The following ZNF664 variants were observed in gnomAD, a reference collection of about 807,000 sequenced individuals.
ZNF664 encodes zinc finger protein 664, also known as zinc finger Organ of Corti 1.
ZNF664 carries 10 observed loss-of-function variants against 18.2 expected under a neutral mutation model. The observed-to-expected ratio is 0.55, with a 90% CI of 0.34 to 0.93. ZNF664 has a LOEUF of 0.93. ZNF664 is among the 40% of genes least tolerant of loss of function. The probability of loss-of-function intolerance (pLI) is 0.02; values close to 1 mark genes in which losing one functional copy is unlikely to be tolerated. For synonymous variants in ZNF664, 119 were observed against 104.2 expected, an observed-to-expected ratio of 1.14 and a Z score of -0.86; for missense variants, 193 against 319.0, an observed-to-expected ratio of 0.61 and a Z score of 3.01.
At chr12:123,999,180 GTCATC>G (rs958663958) in intron 3 of ZNF664, among the ~76,000 whole-genome samples, 34 of 152,156 alleles carry the variant, frequency 2.2e-4, no homozygotes, top group African/African-American at 8.0e-4. Context: ...GAATCACATG[GTCATC>G]TCAACTCATT....
intron 3 of ZNF664, among the ~76,000 whole-genome samples, chr12:124,009,674 T>C (rs1594576140): frequency 6.6e-6 from 1 of 151,944 alleles, no homozygotes; most frequent in Middle Eastern, 3.4e-3. Flanking sequence ...AACTTTTTAA[T>C]TTAATTTAAT....
In ZNF664 at chr12:124,013,597, A is replaced by G. The variant is rs1037908173; in HGVS notation, c.*667A>G. 2 of 167,430 alleles carry G rather than the reference A, an allele frequency of 1.2e-5. No individual in the cohort carries two copies. Among genetic ancestry groups the G allele is most frequent in the Non-Finnish European group, 2.9e-5 (2 of 68,436 alleles). The allele number at this position is 167,430 out of a possible 1,614,324, so 10.4% of individuals were successfully genotyped here. On this transcript the variant is annotated 3_prime_UTR_variant, in exon 5 of 5. Transcript: ENST00000337815. Reference sequence around the variant, plus strand: ...ACATATATGTCCTTGAACCTTTTTTATTTGTGTGGATTCTGCTCATCACTG... The same window carrying G: ...ACATATATGTCCTTGAACCTTTTTTGTTTGTGTGGATTCTGCTCATCACTG...
Position 124,012,128 on chromosome 12 carries a change from G to C in ZNF664, c.-17G>C. 1.9e-6 allele frequency: 3 copies of C among 1,585,920 alleles called. No homozygotes were observed. The South Asian group carries it at 3.5e-5, about 19-fold the overall frequency. On this transcript the variant is annotated 5_prime_UTR_variant, in exon 5 of 5. Coordinates refer to ENST00000337815, the MANE Select transcript of ZNF664 (RefSeq NM_152437.3). ...AAGGAAATTTTCTCCTTGAAATCAC[G>C]ATACCAAATAGGAAAAATGATCTAC... is the stretch of plus-strand genomic sequence containing the variant.
At chr12:124,009,371 CAT>C (rs949144294) in intron 3 of ZNF664, among the ~76,000 whole-genome samples, 5 of 152,116 alleles carry the variant, frequency 3.3e-5, no homozygotes. Context: ...ACTATAGAAA[CAT>C]ATGTTTCCAG....
At chr12:123,975,446 A>T (rs946411449) in intron 2 of ZNF664, among the ~76,000 whole-genome samples, 1 of 147,652 alleles carries the variant, frequency 6.8e-6, no homozygotes, top group Non-Finnish European at 1.5e-5. Context: ...AGAGAGAGAG[A>T]TAGGGTCTCT....
intron 3 of ZNF664, 199 bp from the exon 4 acceptor site, chr12:124,011,182 T>G: frequency 4.0e-6 from 2 of 505,452 alleles, no homozygotes; most frequent in African/African-American, 2.1e-5. Flanking sequence ...AAGTTCAAAG[T>G]GGAGATCGTT....
chr12:123,976,767 G>A (rs1043031330), intron 2 of ZNF664, among the ~76,000 whole-genome samples: 3 of 151,472 alleles, frequency 2.0e-5, no homozygotes, highest in Admixed American at 6.6e-5. Context: ...GCTACACTAA[G>A]GTCAAATCAA....
intron 2 of ZNF664, among the ~76,000 whole-genome samples, chr12:123,979,834 A>G (rs1471623169): frequency 1.3e-5 from 2 of 151,360 alleles, no homozygotes; most frequent in African/African-American, 2.4e-5. Flanking sequence ...CACACACACC[A>G]CTACACCTGG....
chr12:123,976,815 A>G (rs897161522), intron 2 of ZNF664, among the ~76,000 whole-genome samples: 3 of 152,050 alleles, frequency 2.0e-5, no homozygotes, highest in Non-Finnish European at 2.9e-5. Flanking sequence ...GGCCATGCAC[A>G]GTGGCTCACA....
chr12:124,005,526 A>T (rs867568200), intron 3 of ZNF664, among the ~76,000 whole-genome samples: 138 of 89,064 alleles, frequency 1.5e-3, no homozygotes, highest in South Asian at 3.6e-3. Flanking sequence ...TGTGTGTGTG[A>T]GAGATAGGCC....
intron 2 of ZNF664, among the ~76,000 whole-genome samples, chr12:123,976,694 C>CA (rs544411271): frequency 2.1e-3 from 314 of 152,050 alleles, no homozygotes; most frequent in African/African-American, 7.3e-3. Context: ...TTGGCCATCT[C>CA]AGAGGGCTGC....
At chr12:123,978,691 G>T (rs774321098) in intron 2 of ZNF664, among the ~76,000 whole-genome samples, 3 of 152,090 alleles carry the variant, frequency 2.0e-5, no homozygotes, top group Non-Finnish European at 2.9e-5. Context: ...AAATGTCCTA[G>T]AATGGCCAAA....
At chr12:123,974,882 C>T (rs892423411) in intron 2 of ZNF664, among the ~76,000 whole-genome samples, 1 of 152,152 alleles carries the variant, frequency 6.6e-6, no homozygotes, top group East Asian at 1.9e-4. Flanking sequence ...TTTAAAACAG[C>T]TTTTTTGCTG....
At chr12:123,994,515 A>G (rs1311940894) in intron 3 of ZNF664, among the ~76,000 whole-genome samples, 1 of 152,226 alleles carries the variant, frequency 6.6e-6, no homozygotes, top group African/African-American at 2.4e-5. Context: ...AACTCTTTAA[A>G]TGTATGGAGT....
chr12:123,981,426 G>A (rs750137104), intron 2 of ZNF664, among the ~76,000 whole-genome samples: 1 of 152,060 alleles, frequency 6.6e-6, no homozygotes, highest in Non-Finnish European at 1.5e-5. Flanking sequence ...GGGACCTGGG[G>A]GCTTTATAAA....
intron 2 of ZNF664, among the ~76,000 whole-genome samples, chr12:123,978,027 G>A (rs1279112505): frequency 6.6e-6 from 1 of 152,162 alleles, no homozygotes. Context: ...CAGGTGTTAT[G>A]AGAGTAAGAG....
In ZNF664 at chr12:123,988,151, C is replaced by T. The variant is rs1956846083; in HGVS notation, c.-661+13C>T. ...TCCTGTCACTGTGGTAAGTTTTCCC[C>T]TTGTTTCACCATTTGTCCTAGATGG... is the stretch of plus-strand genomic sequence containing the variant. On this transcript the variant is annotated intron_variant, in intron 3 of 4. Transcript: ENST00000337815. 8.1e-7 allele frequency: 1 copy of T among 1,231,438 alleles called. No homozygotes were observed. The highest frequency in any genetic ancestry group is 1.0e-6 in the Non-Finnish European group (1 of 987,780). 76.3% of individuals were successfully genotyped at this position (1,231,438 alleles called of 1,614,324 possible).
chr12:123,976,658 T>G (rs1594537765), intron 2 of ZNF664, among the ~76,000 whole-genome samples: 1 of 147,856 alleles, frequency 6.8e-6, no homozygotes, highest in Non-Finnish European at 1.5e-5. Flanking sequence ...GTGTTGGGGG[T>G]GGAGAGTAGA....
At chr12:123,984,980 G>A (rs957070055) in intron 2 of ZNF664, among the ~76,000 whole-genome samples, 4 of 152,040 alleles carry the variant, frequency 2.6e-5, no homozygotes, top group South Asian at 2.1e-4. Flanking sequence ...ACTGGGAGCC[G>A]AGGAGACCGT....
Sources: allele counts gnomAD v4.1 joint callset (sites outside exome capture counted in the v4.1 genomes callset), GRCh38; gene constraint gnomAD v4.1.1; transcripts MANE v1.5; gene names NCBI Gene and HGNC (gene_info 2026-07-23, HGNC 2026-07-21).